The following EDNRA variants were observed in gnomAD, a reference collection of about 807,000 sequenced individuals.
The protein encoded by EDNRA is endothelin receptor type A.
A neutral mutation model predicts 41.4 loss-of-function variants in EDNRA; 11 were observed. The observed-to-expected ratio is 0.27, with a 90% confidence interval of 0.17 to 0.44. EDNRA has a LOEUF of 0.44. Among genes scored for constraint, EDNRA ranks in the 20% least tolerant of loss-of-function variants. The probability of loss-of-function intolerance (pLI) is 1.00; values close to 1 mark genes in which losing one functional copy is unlikely to be tolerated. For missense variants in EDNRA, 294 were observed against 531.0 expected, an observed-to-expected ratio of 0.55 and a Z score of 4.39; for synonymous variants, 172 against 183.0, an observed-to-expected ratio of 0.94 and a Z score of 0.49.
At chr4:147,493,827 G>GT (rs751564996) in intron 2 of EDNRA, 10 of 152,120 alleles carry the variant, frequency 6.6e-5, no homozygotes, top group Non-Finnish European at 1.3e-4. Context: ...TTGCAGAAGA[G>GT]CAACCTGGAA....
At position 147,540,574 on chromosome 4, in the gene EDNRA, A is replaced by G. The variant is rs576951610; in HGVS notation, c.1143+89A>G. The G allele has an allele frequency of 8.2e-6, 7 of 858,388 alleles. No individual in the cohort carries two copies. The East Asian group carries it at 1.4e-4, about 17-fold the overall frequency. The allele number at this position is 858,388 out of a possible 1,614,324, so 53.2% of individuals were successfully genotyped here. On this transcript the variant is annotated intron_variant, in intron 7 of 7. Transcript: ENST00000651419. ...CACAGCCAATTCCAGTTGTAATATT[A>G]CTTTGATCAGCTATACTACTTTTTA...
chr4:147,504,761 C>T (rs968512226), intron 2 of EDNRA, among the ~76,000 whole-genome samples: 7 of 151,800 alleles, frequency 4.6e-5, no homozygotes, highest in African/African-American at 1.5e-4. Context: ...TAAGGACCAG[C>T]CTGGGCAACA....
Position 147,519,559 on chromosome 4 carries a change from T to G in EDNRA, c.421-292T>G, listed in dbSNP as rs1273817876. On this transcript the variant is annotated intron_variant, in intron 2 of 7. Coordinates refer to ENST00000651419, the MANE Select transcript of EDNRA (RefSeq NM_001957.4). This position sits in a 1 kb window ranked among gnomAD's most constrained non-coding sequence, Gnocchi z 4.1. ...TATAATATATTTAATATATATGTAT[T>G]ATATTAATACACTATATTGATTTTT... is the stretch of plus-strand genomic sequence containing the variant. Among the ~76,000 whole-genome samples the G allele has an allele frequency of 6.7e-6, 1 of 149,002 alleles. No homozygotes were observed. The highest frequency in any genetic ancestry group is 2.4e-5 in the African/African-American group (1 of 40,928).
intron 3 of EDNRA, among the ~76,000 whole-genome samples, chr4:147,523,593 C>T (rs1299072969): frequency 6.6e-6 from 1 of 151,564 alleles, no homozygotes; most frequent in Non-Finnish European, 1.5e-5. Context: ...CAGGTTCACG[C>T]CATTCTCCTG....
chr4:147,532,143 TCTA>T (rs1560915666), intron 3 of EDNRA, among the ~76,000 whole-genome samples: 4 of 114,054 alleles, frequency 3.5e-5, no homozygotes, highest in African/African-American at 1.7e-4. Context: ...AAACCCCGTC[TCTA>T]CTAAAAAAAA....
intron 3 of EDNRA, among the ~76,000 whole-genome samples, chr4:147,522,176 T>G (rs957197357): frequency 2.6e-5 from 4 of 152,202 alleles, no homozygotes; most frequent in African/African-American, 7.2e-5. Context: ...ATATCAATAA[T>G]AATATTTATA....
chr4:147,523,487 T>G (rs1730407541), intron 3 of EDNRA, among the ~76,000 whole-genome samples: 3 of 140,322 alleles, frequency 2.1e-5, no homozygotes, highest in African/African-American at 6.2e-5. Flanking sequence ...GTTGTTTTTT[T>G]GTTTTTTTTG....
At chr4:147,539,690 G>A (rs1731031459) in intron 5 of EDNRA, 127 bp from the exon 6 acceptor site, 1 of 1,094,354 alleles carries the variant, frequency 9.1e-7, no homozygotes, top group Non-Finnish European at 1.3e-6. Flanking sequence ...TGTAAGCCAG[G>A]CTGTTCTCCT....
chr4:147,539,678 A>G, intron 5 of EDNRA, 139 bp from the exon 6 acceptor site: 1 of 913,472 alleles, frequency 1.1e-6, no homozygotes, highest in Non-Finnish European at 1.6e-6. Context: ...AGGTAGAGGC[A>G]GTGTAAGCCA....
At chr4:147,510,854 C>T (rs1729895654) in intron 2 of EDNRA, among the ~76,000 whole-genome samples, 1 of 152,126 alleles carries the variant, frequency 6.6e-6, no homozygotes, top group African/African-American at 2.4e-5. Context: ...ATATACAGTA[C>T]AGGGAAGGGT....
At chr4:147,491,928 T>C (rs952402) in intron 2 of EDNRA, 69,510 of 152,172 alleles carry the variant, frequency 0.46, 20,317 homozygotes, top group African/African-American at 0.84. Context: ...GCCTCCTCTG[T>C]GAGCACCTCT....
chr4:147,500,844 A>C (rs1729494599), intron 2 of EDNRA, among the ~76,000 whole-genome samples: 1 of 152,182 alleles, frequency 6.6e-6, no homozygotes, highest in South Asian at 2.1e-4. Flanking sequence ...TATTTGAGGA[A>C]GAAAGGGAGG....
At chr4:147,496,695 G>T (rs1468178718) in intron 2 of EDNRA, among the ~76,000 whole-genome samples, 1 of 152,210 alleles carries the variant, frequency 6.6e-6, no homozygotes, top group Non-Finnish European at 1.5e-5. Flanking sequence ...TGTAGGTATT[G>T]TTTTGTGTCT....
chr4:147,483,173 A>G (rs558679864), intron 1 of EDNRA, among the ~76,000 whole-genome samples: 1 of 151,804 alleles, frequency 6.6e-6, no homozygotes, highest in Non-Finnish European at 1.5e-5. Context: ...TACTCACTCC[A>G]GATTATAAGA....
At chr4:147,509,141 A>G (rs1729832530) in intron 2 of EDNRA, among the ~76,000 whole-genome samples, 1 of 152,080 alleles carries the variant, frequency 6.6e-6, no homozygotes, top group Non-Finnish European at 1.5e-5. Flanking sequence ...TAGATTTTTC[A>G]TGGCTAGTAT....
chr4:147,499,498 C>T (rs1024144040), intron 2 of EDNRA, among the ~76,000 whole-genome samples: 5 of 152,206 alleles, frequency 3.3e-5, no homozygotes, highest in African/African-American at 1.2e-4. Context: ...ATTGTCTCTT[C>T]GTTGTCTCGA....
chr4:147,506,035 T>A, intron 2 of EDNRA: 1 of 434,230 alleles, frequency 2.3e-6, no homozygotes, highest in Non-Finnish European at 4.5e-6. Flanking sequence ...GTGAAAATTT[T>A]GTTCATGCAA....
In EDNRA at chr4:147,505,767, G is replaced by A. The variant is rs1487721384; in HGVS notation, c.421-14084G>A. ...GGGTTCACGTCATTCTCCTGCCTCAGCCTCCCGAGTAGCTGGGACCACAGG... is the reference window on the plus strand; with the variant it reads ...GGGTTCACGTCATTCTCCTGCCTCAACCTCCCGAGTAGCTGGGACCACAGG... On this transcript the variant is annotated intron_variant, in intron 2 of 7. Coordinates refer to ENST00000651419, the MANE Select transcript of EDNRA (RefSeq NM_001957.4). 2.7e-5 allele frequency among the ~76,000 whole-genome samples: 4 copies of A among 148,576 alleles called. No homozygotes were observed. The Admixed American group carries it at 2.7e-4, about 10-fold the overall frequency.
In EDNRA at chr4:147,519,535, A is replaced by G. The variant is rs1246049054; in HGVS notation, c.421-316A>G. 2.0e-5 allele frequency among the ~76,000 whole-genome samples: 3 copies of G among 149,110 alleles called. No individual in the cohort carries two copies. Among genetic ancestry groups the G allele is most frequent in the Non-Finnish European group, 4.5e-5 (3 of 67,410 alleles). ...TGTTATTAAATTGTATTATATAACT[A>G]TAATATATTTAATATATATGTATTA... On this transcript the variant is annotated intron_variant, in intron 2 of 7. Coordinates refer to ENST00000651419, the MANE Select transcript of EDNRA (RefSeq NM_001957.4). The surrounding 1 kb of genome is among the most constrained non-coding windows in gnomAD (Gnocchi z 4.1).
Sources: allele counts gnomAD v4.1 joint callset (sites outside exome capture counted in the v4.1 genomes callset), GRCh38; gene constraint gnomAD v4.1.1; non-coding constraint Gnocchi (gnomAD v3.1); transcripts MANE v1.5; gene names NCBI Gene and HGNC (gene_info 2026-07-23, HGNC 2026-07-21).